Variants in FBH1 observed in about 807,000 individuals in gnomAD.
The protein encoded by FBH1 is F-box DNA helicase 1.
Under a neutral mutation model 115.5 loss-of-function variants are expected in FBH1, and 43 were observed. That is an observed-to-expected ratio of 0.37 (90% CI 0.29 to 0.48). The LOEUF is 0.48. Ranked by LOEUF, FBH1 falls within the 20% of genes least tolerant of loss-of-function variation. The pLI is 0.99. For synonymous variants in FBH1, 524 were observed against 507.8 expected (o/e 1.03, Z -0.43); for missense variants, 1,001 against 1,337.3 (o/e 0.75, Z 3.92).
intron 1 of FBH1, among the ~76,000 whole-genome samples, chr10:5,898,790 A>C (rs544752768): frequency 1.3e-5 from 2 of 152,192 alleles, no homozygotes; most frequent in Non-Finnish European, 2.9e-5. Flanking sequence ...CGTTGAGTAC[A>C]TGGCACAGAC....
chr10:5,913,626 A>T lies in FBH1; in HGVS notation c.1212-121A>T. 1 of 644,352 alleles carries T rather than the reference A, an allele frequency of 1.6e-6. No individual in the cohort carries two copies. The highest frequency in any genetic ancestry group is 2.6e-6 in the Non-Finnish European group (1 of 384,578). The allele number at this position is 644,352 out of a possible 1,614,324, so 39.9% of individuals were successfully genotyped here. ...AATCCTTTTCTTTCTTTTTTCCATT[A>T]AATGGTGGTAGGTATTTTCTTTTTA... On this transcript the variant is annotated intron_variant, in intron 6 of 20. Coordinates refer to ENST00000362091, the MANE Select transcript of FBH1 (RefSeq NM_178150.3). This position sits in a 1 kb window ranked among gnomAD's most constrained non-coding sequence, Gnocchi z 4.4.
At chr10:5,930,588 C>T (rs1403724530) in intron 19 of FBH1, among the ~76,000 whole-genome samples, 1 of 152,234 alleles carries the variant, frequency 6.6e-6, no homozygotes, top group Non-Finnish European at 1.5e-5. Context: ...TTTGCCTCGT[C>T]ACATGAGGAG....
chr10:5,937,102 C>A lies in FBH1; in HGVS notation c.2962-8C>A. 6.3e-7 allele frequency: 1 copy of A among 1,588,510 alleles called. No individual in the cohort carries two copies. The highest frequency in any genetic ancestry group is 8.6e-7 in the Non-Finnish European group (1 of 1,166,192). On this transcript the variant is annotated splice_polypyrimidine_tract_variant and splice_region_variant and intron_variant, in intron 20 of 20. Transcript: ENST00000362091. ...CCCCTTAGCTCTCTCTCTTGTCCAT[C>A]ACCACAGAGCAACAGGAAGGAAAAC...
At chr10:5,912,347 A>G in intron 6 of FBH1, among the ~76,000 whole-genome samples, 1 of 148,862 alleles carries the variant, frequency 6.7e-6, no homozygotes, top group African/African-American at 2.5e-5. Context: ...TGGGCAACAG[A>G]GTGAGGCTCT....
At position 5,909,589 on chromosome 10, in the gene FBH1, C is replaced by G. The variant is rs1453047146; in HGVS notation, c.1020+295C>G. The G allele has an allele frequency of 2.8e-6, 1 of 354,770 alleles. No individual in the cohort carries two copies. The highest frequency in any genetic ancestry group is 5.1e-6 in the Non-Finnish European group (1 of 196,434). The allele number at this position is 354,770 out of a possible 1,614,324, so 22.0% of individuals were successfully genotyped here. On this transcript the variant is annotated intron_variant, in intron 5 of 20. Coordinates refer to ENST00000362091, the MANE Select transcript of FBH1 (RefSeq NM_178150.3). This position sits in a 1 kb window ranked among gnomAD's most constrained non-coding sequence, Gnocchi z 4.4. ...AAAGTGGTCATCTAGCCTCTGAACA[C>G]TTTTAATAATAGGATTTCTTTACAA...
Position 5,909,333 on chromosome 10 carries a change from T to G in FBH1, c.1020+39T>G. On this transcript the variant is annotated intron_variant, in intron 5 of 20. Coordinates refer to ENST00000362091, the MANE Select transcript of FBH1 (RefSeq NM_178150.3). The surrounding 1 kb of genome is among the most constrained non-coding windows in gnomAD (Gnocchi z 4.4). The stretch of plus-strand genomic sequence containing the variant: ...CTGCGGGAGAAGGCGGCATGTTATT[T>G]CACTGGAGGAAAGTGTACTGGTGAT... 1 of 1,589,520 alleles carries G rather than the reference T, an allele frequency of 6.3e-7. No individual in the cohort carries two copies. The highest frequency in any genetic ancestry group is 1.1e-5 in the South Asian group (1 of 89,644).
chr10:5,928,608 C>T (rs1378708278), intron 19 of FBH1: 1 of 152,208 alleles, frequency 6.6e-6, no homozygotes, highest in Non-Finnish European at 1.5e-5. Flanking sequence ...GGCACCTGGC[C>T]TTTGTCACAG....
chr10:5,936,519 G>A lies in FBH1; in HGVS notation c.2893G>A (p.Val965Met), dbSNP rs371208439. 5.6e-6 allele frequency: 9 copies of A among 1,614,062 alleles called. No homozygotes were observed. Among genetic ancestry groups the A allele is most frequent in the African/African-American group, 2.7e-5 (2 of 74,932 alleles). Residue 965 changes from valine (V) to methionine (M), a missense_variant, in exon 20 of 21, where the codon GTG (valine) becomes ATG (methionine). By Grantham distance (21) the Val-to-Met change is conservative. Transcript: ENST00000362091. The surrounding 1 kb of genome is among the most constrained non-coding windows in gnomAD (Gnocchi z 5.6). The part of the protein sequence containing the change: ...VLKTGVVRCC[V>M]GQCNNAIPVD... The stretch of plus-strand genomic sequence containing the variant: ...AAAAACAGGCGTGGTGCGCTGCTGC[G>A]TGGGACAGTGCAACAATGCCATCCC...
intron 19 of FBH1, chr10:5,929,369 C>T (rs1589114976): frequency 6.6e-6 from 1 of 152,100 alleles, no homozygotes; most frequent in Non-Finnish European, 1.5e-5. Context: ...GTCATTTTTC[C>T]TCCAGGCCTC....
intron 3 of FBH1, among the ~76,000 whole-genome samples, chr10:5,907,459 TTTG>T (rs34472951): frequency 0.26 from 37,012 of 143,202 alleles, 5,821 homozygotes; most frequent in Non-Finnish European, 0.33. Flanking sequence ...GAATGTGTTT[TTTG>T]TTGTTGTTGG....
intron 18 of FBH1, among the ~76,000 whole-genome samples, chr10:5,926,158 T>C (rs991914348): frequency 6.6e-6 from 1 of 152,154 alleles, no homozygotes; most frequent in Non-Finnish European, 1.5e-5. Context: ...TCTCACTCTG[T>C]CACCCAGGCT....
intron 19 of FBH1, among the ~76,000 whole-genome samples, chr10:5,930,916 G>GT (rs1222829431): frequency 5.0e-4 from 74 of 148,580 alleles, no homozygotes; most frequent in East Asian, 2.0e-3. Flanking sequence ...CACCTGGCTG[G>GT]TTTTTTTTTT....
At position 5,932,618 on chromosome 10, in the gene FBH1, G is replaced by A. The variant is rs981100879; in HGVS notation, c.2830-3838G>A. 1.3e-5 allele frequency among the ~76,000 whole-genome samples: 2 copies of A among 152,180 alleles called. No homozygotes were observed. The highest frequency in any genetic ancestry group is 2.9e-5 in the Non-Finnish European group (2 of 68,034). On this transcript the variant is annotated intron_variant, in intron 19 of 20. Transcript: ENST00000362091. This position sits in a 1 kb window ranked among gnomAD's most constrained non-coding sequence, Gnocchi z 5.9. ...ATAATGCTGCATTGCACAATCTTGT[G>A]CACAGGTCATTTCTGTTTTTGCCAG...
rs372593601 is a variant in FBH1, at chr10:5,909,141, C to T, written c.885-18C>T. The stretch of plus-strand genomic sequence containing the variant: ...TATGGTCACCCTACTCATGGCCTCT[C>T]CTGTGAATGTCTTACAGATACACAG... On this transcript the variant is annotated intron_variant, in intron 4 of 20. Transcript: ENST00000362091. The surrounding 1 kb of genome is among the most constrained non-coding windows in gnomAD (Gnocchi z 4.4). 1 of 1,613,582 alleles carries T rather than the reference C, an allele frequency of 6.2e-7. No homozygotes were observed. Among genetic ancestry groups the T allele is most frequent in the South Asian group, 1.1e-5 (1 of 91,074 alleles).
chr10:5,926,116 C>CTTATTA (rs377150683), intron 18 of FBH1, among the ~76,000 whole-genome samples: 18 of 74,240 alleles, frequency 2.4e-4, no homozygotes, highest in African/African-American at 5.7e-4. Flanking sequence ...TATTCTTATT[C>CTTATTA]TTCTTATTAT....
chr10:5,916,689 C>T (rs642219), intron 10 of FBH1, among the ~76,000 whole-genome samples: 35,487 of 67,772 alleles, frequency 0.52, 4,938 homozygotes, highest in African/African-American at 0.58. Context: ...TGTTAGGGAT[C>T]TGAGGATGGG....
chr10:5,907,007 G>C (rs1248873682), intron 3 of FBH1, among the ~76,000 whole-genome samples: 6 of 151,384 alleles, frequency 4.0e-5, no homozygotes, highest in Admixed American at 1.3e-4. Context: ...CTGTTGCCCA[G>C]GCTGGAGTGC....
intron 13 of FBH1, among the ~76,000 whole-genome samples, chr10:5,920,830 A>G (rs1387791488): frequency 1.3e-5 from 2 of 152,186 alleles, no homozygotes; most frequent in African/African-American, 4.8e-5. Context: ...TGAAAGTCAG[A>G]CAGAAAACCG....
chr10:5,907,010 T>G (rs1332664930), intron 3 of FBH1, among the ~76,000 whole-genome samples: 1 of 152,066 alleles, frequency 6.6e-6, no homozygotes, highest in Non-Finnish European at 1.5e-5. Flanking sequence ...TTGCCCAGGC[T>G]GGAGTGCAGT....
Sources: allele counts gnomAD v4.1 joint callset (sites outside exome capture counted in the v4.1 genomes callset), GRCh38; gene constraint gnomAD v4.1.1; non-coding constraint Gnocchi (gnomAD v3.1); transcripts MANE v1.5; gene names NCBI Gene and HGNC (gene_info 2026-07-23, HGNC 2026-07-21).